The following SDHC variants were observed in gnomAD, a reference collection of about 807,000 sequenced individuals.
SDHC encodes the protein succinate dehydrogenase cytochrome b560 subunit, mitochondrial.
SDHC carries 11 observed loss-of-function variants against 22.6 expected under a neutral mutation model. The ratio of observed to expected loss-of-function variants is 0.49; its 90% CI spans 0.31 to 0.81. SDHC has a LOEUF of 0.81. Among genes scored for constraint, SDHC ranks in the 30% least tolerant of loss-of-function variants. SDHC has a pLI of 0.05. For missense variants in SDHC, 160 were observed against 212.0 expected (o/e 0.75, Z 1.52); for synonymous variants, 80 against 77.8 (o/e 1.03, Z -0.15).
At chr1:161,332,419 C>G (rs1188500697) in intron 3 of SDHC, among the ~76,000 whole-genome samples, 1 of 152,124 alleles carries the variant, frequency 6.6e-6, no homozygotes, top group Non-Finnish European at 1.5e-5. Flanking sequence ...ACTTTCTGCC[C>G]TATGTAACAA....
At chr1:161,319,921 C>T (rs373371520) in intron 1 of SDHC, among the ~76,000 whole-genome samples, 13 of 148,912 alleles carry the variant, frequency 8.7e-5, no homozygotes, top group African/African-American at 3.3e-4. Context: ...AGGTTAGGTC[C>T]AGAGAGTTGG....
At chr1:161,359,760 G>A (rs1213817786) in intron 5 of SDHC, among the ~76,000 whole-genome samples, 1 of 151,896 alleles carries the variant, frequency 6.6e-6, no homozygotes, top group African/African-American at 2.4e-5. Context: ...TGTGTTTTCT[G>A]TGACAGTCTG....
intron 3 of SDHC, among the ~76,000 whole-genome samples, chr1:161,337,450 G>A (rs147916312): frequency 5.9e-5 from 9 of 152,224 alleles, no homozygotes; most frequent in East Asian, 3.9e-4. Flanking sequence ...AGGAGAATTC[G>A]TAAGTCATGC....
At chr1:161,317,843 A>G (rs774418482) in intron 1 of SDHC, among the ~76,000 whole-genome samples, 4 of 151,184 alleles carry the variant, frequency 2.6e-5, no homozygotes, top group Non-Finnish European at 5.9e-5. Context: ...GGCATAAGCC[A>G]CCACGCCGGG....
chr1:161,348,212 A>G (rs538148974), intron 4 of SDHC, among the ~76,000 whole-genome samples: 3 of 151,944 alleles, frequency 2.0e-5, no homozygotes, highest in Non-Finnish European at 2.9e-5. Context: ...GCTGGAGTGC[A>G]ATGGTGCCAT....
At chr1:161,328,566 C>T (rs1671161323) in intron 3 of SDHC, 69 bp downstream of exon 3, 2 of 1,107,754 alleles carry the variant, frequency 1.8e-6, no homozygotes, top group Admixed American at 1.7e-5. Flanking sequence ...TGATCTTTAG[C>T]CTACTTGATA....
chr1:161,333,422 T>A (rs1014739714), intron 3 of SDHC, among the ~76,000 whole-genome samples: 14 of 149,422 alleles, frequency 9.4e-5, no homozygotes, highest in East Asian at 1.9e-4. Context: ...TTTTTTTTTT[T>A]AAAGACGGAG....
At chr1:161,360,985 C>T (rs887922362) in intron 5 of SDHC, among the ~76,000 whole-genome samples, 1 of 151,688 alleles carries the variant, frequency 6.6e-6, no homozygotes, top group African/African-American at 2.4e-5. Context: ...TGGTGGCATG[C>T]GCCTGTAGTC....
chr1:161,315,780 G>A (rs1670586670), intron 1 of SDHC, among the ~76,000 whole-genome samples: 1 of 151,980 alleles, frequency 6.6e-6, no homozygotes, highest in Non-Finnish European at 1.5e-5. Context: ...GGAAAAGAAA[G>A]AGACACAGAC....
At chr1:161,358,001 A>C (rs555078498) in intron 5 of SDHC, among the ~76,000 whole-genome samples, 6 of 151,524 alleles carry the variant, frequency 4.0e-5, no homozygotes, top group African/African-American at 1.2e-4. Context: ...GGGTGCCAAG[A>C]ATTCCAGGTT....
chr1:161,359,396 T>A (rs1672412598), intron 5 of SDHC, among the ~76,000 whole-genome samples: 1 of 152,168 alleles, frequency 6.6e-6, no homozygotes, highest in Non-Finnish European at 1.5e-5. Flanking sequence ...CAGTGTTCAG[T>A]TTGATTTAAA....
intron 1 of SDHC, among the ~76,000 whole-genome samples, chr1:161,315,461 G>A (rs1301721985): frequency 6.6e-6 from 1 of 152,138 alleles, no homozygotes; most frequent in Non-Finnish European, 1.5e-5. Context: ...GCCAAGGCTT[G>A]TCTTGCCAGT....
Position 161,362,427 on chromosome 1 carries a change from C to T in SDHC, c.504C>T (p.Ala168=), listed in dbSNP as rs1571899229. ...LTVLSSMGLA[A]M is the part of the protein sequence containing the mutation. Reference sequence around the variant, plus strand: ...TGTTGTCCTCTATGGGGCTGGCAGCCATGTGAAGAAAGGAGGCTCCCAGCA... The same window carrying T: ...TGTTGTCCTCTATGGGGCTGGCAGCTATGTGAAGAAAGGAGGCTCCCAGCA... Residue 168 remains alanine (A), a synonymous_variant, in exon 6 of 6, where the codon GCC becomes GCT. Coordinates refer to ENST00000367975, the MANE Select transcript of SDHC (RefSeq NM_003001.5). The T allele has an allele frequency of 3.7e-6, 6 of 1,613,282 alleles. No individual in the cohort carries two copies. The highest frequency in any genetic ancestry group is 5.1e-6 in the Non-Finnish European group (6 of 1,179,642).
At chr1:161,361,477 T>A (rs1672507240) in intron 5 of SDHC, among the ~76,000 whole-genome samples, 1 of 152,110 alleles carries the variant, frequency 6.6e-6, no homozygotes, top group South Asian at 2.1e-4. Context: ...AAAAAGATTC[T>A]GAGATTGACT....
At chr1:161,317,211 G>T (rs1172362322) in intron 1 of SDHC, among the ~76,000 whole-genome samples, 2 of 151,834 alleles carry the variant, frequency 1.3e-5, no homozygotes, top group African/African-American at 4.8e-5. Flanking sequence ...TGTATTTTTA[G>T]TAGAGACGGG....
chr1:161,339,457 A>G (rs538950019), intron 3 of SDHC: 109 of 522,862 alleles, frequency 2.1e-4, no homozygotes, highest in African/African-American at 2.0e-3. Context: ...TACTAGGATT[A>G]CAGGTGTGAG....
At chr1:161,337,619 A>G (rs982468660) in intron 3 of SDHC, among the ~76,000 whole-genome samples, 3 of 152,178 alleles carry the variant, frequency 2.0e-5, no homozygotes, top group African/African-American at 7.2e-5. Flanking sequence ...TTAGAAAACA[A>G]TATTTTTACC....
intron 3 of SDHC, among the ~76,000 whole-genome samples, chr1:161,336,269 C>G (rs1671476691): frequency 6.6e-6 from 1 of 151,980 alleles, no homozygotes; most frequent in Non-Finnish European, 1.5e-5. Context: ...TCATCCTGAT[C>G]TCAGGTGAAA....
intron 4 of SDHC, among the ~76,000 whole-genome samples, chr1:161,349,524 A>G (rs1464358255): frequency 6.6e-6 from 1 of 152,220 alleles, no homozygotes; most frequent in Non-Finnish European, 1.5e-5. Flanking sequence ...GAAGAATCAG[A>G]ACTTTTGTGA....
Sources: gnomAD v4.1 joint callset for allele counts (sites outside exome capture counted in the v4.1 genomes callset) on GRCh38, gnomAD v4.1.1 for gene constraint, MANE v1.5 for transcripts, NCBI Gene and HGNC (gene_info 2026-07-23, HGNC 2026-07-21) for gene names.